Variants in SDK2 observed in about 807,000 individuals in gnomAD.
SDK2 encodes sidekick cell adhesion molecule 2.
Under a neutral mutation model 253.9 loss-of-function variants are expected in SDK2, and 105 were observed. The ratio of observed to expected loss-of-function variants is 0.41; its 90% CI spans 0.35 to 0.49. SDK2 has a LOEUF of 0.49. SDK2 is among the 20% of genes least tolerant of loss of function. The probability of loss-of-function intolerance (pLI) is 0.06; values close to 1 mark genes in which losing one functional copy is unlikely to be tolerated. For missense variants in SDK2, 2,608 were observed against 3,003.0 expected, an observed-to-expected ratio of 0.87 and a Z score of 3.07; for synonymous variants, 1,249 against 1,234.9, an observed-to-expected ratio of 1.01 and a Z score of -0.24.
chr17:73,512,373 C>T (rs980964792), intron 1 of SDK2, among the ~76,000 whole-genome samples: 2 of 152,082 alleles, frequency 1.3e-5, no homozygotes, highest in African/African-American at 2.4e-5. Flanking sequence ...CTCCCCTCAG[C>T]CTTAGTACTA....
intron 36 of SDK2, among the ~76,000 whole-genome samples, chr17:73,374,053 G>A (rs999167308): frequency 1.4e-5 from 2 of 145,194 alleles, no homozygotes; most frequent in Non-Finnish European, 2.9e-5. Context: ...TGTATGGTTT[G>A]CAAATATTTC....
At chr17:73,434,540 C>G (rs2063352764) in intron 9 of SDK2, among the ~76,000 whole-genome samples, 1 of 152,244 alleles carries the variant, frequency 6.6e-6, no homozygotes, top group Non-Finnish European at 1.5e-5. Flanking sequence ...CACCGTGGAG[C>G]TCAAGGAGAC....
intron 1 of SDK2, among the ~76,000 whole-genome samples, chr17:73,565,238 A>G (rs9889955): frequency 0.2 from 30,300 of 152,062 alleles, 3,193 homozygotes; most frequent in African/African-American, 0.27. Context: ...TCTGTATATA[A>G]ATTCTACCCA....
At chr17:73,638,677 T>A (rs1599745216) in intron 1 of SDK2, among the ~76,000 whole-genome samples, 1 of 152,082 alleles carries the variant, frequency 6.6e-6, no homozygotes, top group African/African-American at 2.4e-5. Flanking sequence ...AGAGGGGCAG[T>A]GATCAGGACA....
intron 10 of SDK2, among the ~76,000 whole-genome samples, chr17:73,432,835 TATGTGTGTGC>T (rs1337126811): frequency 7.2e-5 from 11 of 151,788 alleles, no homozygotes; most frequent in East Asian, 3.9e-4. Context: ...CGTGTGCATG[TATGTGTGTGC>T]ATGTGTGTGC....
chr17:73,637,140 T>G (rs1196770875), intron 1 of SDK2, among the ~76,000 whole-genome samples: 1 of 152,202 alleles, frequency 6.6e-6, no homozygotes, highest in Non-Finnish European at 1.5e-5. Context: ...ACTGGGGTTC[T>G]GCTTTAGGAA....
Position 73,379,523 on chromosome 17 carries a change from T to G in SDK2, c.4789A>C (p.Ile1597Leu), listed in dbSNP as rs768571029. ...DNLNKHRRYE[I>L]RMSVYNAVGE... Reference sequence around the variant, plus strand: ...ACAGCGTTGTACACGCTCATCCGTATCTCGTACCGCCTGTGCTTGTTCAGG... The same window carrying G: ...ACAGCGTTGTACACGCTCATCCGTAGCTCGTACCGCCTGTGCTTGTTCAGG... Residue 1597 changes from isoleucine (I) to leucine (L), a missense_variant, in exon 35 of 45, where the codon ATA (isoleucine) becomes CTA (leucine). Transcript: ENST00000392650. This position sits in a 1 kb window ranked among gnomAD's most constrained non-coding sequence, Gnocchi z 4.5. The G allele has an allele frequency of 1.2e-6, 2 of 1,611,988 alleles. No individual in the cohort carries two copies. Among genetic ancestry groups the G allele is most frequent in the East Asian group, 4.5e-5 (2 of 44,840 alleles).
rs767086122 is a variant in SDK2, at chr17:73,338,297, G to A, written c.*290C>T. On this transcript the variant is annotated 3_prime_UTR_variant, in exon 45 of 45. Coordinates refer to ENST00000392650, the MANE Select transcript of SDK2 (RefSeq NM_001144952.2). The surrounding 1 kb of genome is among the most constrained non-coding windows in gnomAD (Gnocchi z 5.0). ...TCTCTCCAGATGCCCGCCCCACTCC[G>A]TGTCCATAGCAGTGACACAGCCACT... is the stretch of plus-strand genomic sequence containing the variant. The A allele has an allele frequency of 1.3e-4, 76 of 568,756 alleles. No homozygotes were observed. The highest frequency in any genetic ancestry group is 8.0e-4 in the Middle Eastern group (3 of 3,738). The allele number at this position is 568,756 out of a possible 1,614,324, so 35.2% of individuals were successfully genotyped here.
At chr17:73,579,796 G>T (rs1001304799) in intron 1 of SDK2, among the ~76,000 whole-genome samples, 5 of 152,090 alleles carry the variant, frequency 3.3e-5, no homozygotes, top group Admixed American at 2.0e-4. Flanking sequence ...GGCCAACATG[G>T]TGAAACCCCA....
chr17:73,364,539 A>G (rs1488644095), intron 38 of SDK2, among the ~76,000 whole-genome samples: 51 of 152,170 alleles, frequency 3.4e-4, no homozygotes, highest in Admixed American at 3.3e-3. Flanking sequence ...AAGCTAAAGA[A>G]GGACTAACCC....
At chr17:73,483,835 G>A (rs554417765) in intron 2 of SDK2, among the ~76,000 whole-genome samples, 24 of 149,854 alleles carry the variant, frequency 1.6e-4, no homozygotes, top group Admixed American at 7.4e-4. Flanking sequence ...GAGCCACTGC[G>A]CCCAGCCAGA....
At chr17:73,625,313 C>T (rs979603170) in intron 1 of SDK2, among the ~76,000 whole-genome samples, 4 of 152,246 alleles carry the variant, frequency 2.6e-5, no homozygotes, top group Non-Finnish European at 4.4e-5. Context: ...TAGGCCTGCT[C>T]ACCATTCTTC....
intron 2 of SDK2, 51 bp downstream of exon 2, chr17:73,507,387 C>A: frequency 1.3e-6 from 2 of 1,512,806 alleles, no homozygotes; most frequent in Non-Finnish European, 1.8e-6. Context: ...CTCTTCAAAG[C>A]AGGGCAGTGG....
Position 73,361,637 on chromosome 17 carries a change from CG to C in SDK2, c.5467+46del, listed in dbSNP as rs1568365700. ...ACCGGGGGCCCCTTCTGACTGGGGA[CG>C]CTGAACCGCCGTGTGGAAGACATGC... is the stretch of plus-strand genomic sequence containing the variant. On this transcript the variant is annotated intron_variant, in intron 39 of 44. Coordinates refer to ENST00000392650, the MANE Select transcript of SDK2 (RefSeq NM_001144952.2). This position sits in a 1 kb window ranked among gnomAD's most constrained non-coding sequence, Gnocchi z 4.1. 6.3e-7 allele frequency: 1 copy of C among 1,581,000 alleles called. No homozygotes were observed. Among genetic ancestry groups the C allele is most frequent in the Non-Finnish European group, 8.7e-7 (1 of 1,155,034 alleles).
chr17:73,533,152 C>T lies in SDK2; in HGVS notation c.65-25555G>A, dbSNP rs979937009. On this transcript the variant is annotated intron_variant, in intron 1 of 44. Coordinates refer to ENST00000392650, the MANE Select transcript of SDK2 (RefSeq NM_001144952.2). ...AGTGCAGCGCTCCATCAAGCAAGGC[C>T]CAGAGAGGTCCCCTCATCGGTATCC... Among the ~76,000 whole-genome samples, 12 of 152,290 alleles carry T rather than the reference C, an allele frequency of 7.9e-5. 1 individual carries two copies. Among genetic ancestry groups the T allele is most frequent in the Admixed American group, 3.3e-4 (5 of 15,300 alleles).
chr17:73,545,465 G>C (rs917870809), intron 1 of SDK2, among the ~76,000 whole-genome samples: 2 of 152,292 alleles, frequency 1.3e-5, no homozygotes, highest in African/African-American at 4.8e-5. Context: ...TTAGAGATGA[G>C]GGGGTTGAGG....
intron 32 of SDK2, among the ~76,000 whole-genome samples, chr17:73,385,071 G>A (rs2145482296): frequency 6.6e-6 from 1 of 152,356 alleles, no homozygotes. Flanking sequence ...CCTTTGTGGA[G>A]TGGCAGATGG....
At position 73,600,611 on chromosome 17, in the gene SDK2, C is replaced by A. The variant is rs779872494; in HGVS notation, c.64+43414G>T. Among the ~76,000 whole-genome samples the A allele has an allele frequency of 3.7e-4, 57 of 152,166 alleles. 1 individual carries two copies. Among genetic ancestry groups the A allele is most frequent in the Admixed American group, 2.0e-4 (3 of 15,280 alleles). On this transcript the variant is annotated intron_variant, in intron 1 of 44. Coordinates refer to ENST00000392650, the MANE Select transcript of SDK2 (RefSeq NM_001144952.2). ...AGCAGACAGTGTGGGGAGAGGCCGA[C>A]AAGAGCCCCTGCCAGCTCCTCTCCT...
At chr17:73,620,061 T>TG (rs776725204) in intron 1 of SDK2, among the ~76,000 whole-genome samples, 4 of 151,998 alleles carry the variant, frequency 2.6e-5, no homozygotes, top group Non-Finnish European at 5.9e-5. Context: ...TAGCTGGGTG[T>TG]GGTGGCATGT....
Sources: gnomAD v4.1 joint callset for allele counts (sites outside exome capture counted in the v4.1 genomes callset) on GRCh38, gnomAD v4.1.1 for gene constraint, Gnocchi (gnomAD v3.1) non-coding constraint, MANE v1.5 for transcripts, NCBI Gene and HGNC (gene_info 2026-07-23, HGNC 2026-07-21) for gene names.